MET: variants seen among roughly 807,000 people sequenced by gnomAD.
The protein encoded by MET is hepatocyte growth factor receptor.
Under a neutral mutation model 133.1 loss-of-function variants are expected in MET, and 48 were observed. That is an observed-to-expected ratio of 0.36 (90% CI 0.29 to 0.46). The LOEUF (loss-of-function observed/expected upper bound fraction) is 0.46, where lower values mean the gene tolerates loss of function less well. Among genes scored for constraint, MET ranks in the 20% least tolerant of loss-of-function variants. The pLI is 1.00. For missense variants in MET, 1,442 were observed against 1,695.9 expected (o/e 0.85, Z 2.63); for synonymous variants, 628 against 616.5 (o/e 1.02, Z -0.28).
At chr7:116,732,836 C>A (rs540090411) in intron 3 of MET, among the ~76,000 whole-genome samples, 1 of 152,038 alleles carries the variant, frequency 6.6e-6, no homozygotes, top group Non-Finnish European at 1.5e-5. Flanking sequence ...GGATATTGAT[C>A]ATTGCCATAT....
At chr7:116,763,347 G>T (rs1466851761) in intron 11 of MET, 79 bp downstream of exon 11, 2 of 1,294,894 alleles carry the variant, frequency 1.5e-6, no homozygotes, top group Non-Finnish European at 2.2e-6. Context: ...TACAATTGTT[G>T]TACTTGGCCA....
At chr7:116,716,541 A>AAAGAAGG (rs1356868153) in intron 2 of MET, among the ~76,000 whole-genome samples, 1 of 147,608 alleles carries the variant, frequency 6.8e-6, no homozygotes. Flanking sequence ...AAGAAAGAAG[A>AAAGAAGG]TATGAACAAT....
At chr7:116,676,925 C>A (rs1233902050) in intron 1 of MET, among the ~76,000 whole-genome samples, 1 of 152,006 alleles carries the variant, frequency 6.6e-6, no homozygotes, top group Non-Finnish European at 1.5e-5. Context: ...GATGAAGATA[C>A]AGGAGTGGCC....
At position 116,771,387 on chromosome 7, in the gene MET, T is replaced by C. The variant is rs77398083; in HGVS notation, c.2731-111T>C. On this transcript the variant is annotated intron_variant, in intron 12 of 20. Coordinates refer to ENST00000397752, the MANE Select transcript of MET (RefSeq NM_000245.4). ...ATTATCCTGAAGGCAGTTATGCCAT[T>C]TGTAGAATGGTAATAACCAGTTGGT... 0.012 allele frequency: 15,364 copies of C among 1,246,856 alleles called. 138 individuals carry two copies. Among genetic ancestry groups the C allele is most frequent in the Non-Finnish European group, 0.015 (12,970 of 851,338 alleles). 77.2% of individuals were successfully genotyped at this position (1,246,856 alleles called of 1,614,324 possible). A position where few individuals can be genotyped will look rare whatever the true frequency, so the allele number is the denominator to read the frequency against.
At chr7:116,702,363 A>C (rs141754088) in intron 2 of MET, among the ~76,000 whole-genome samples, 43 of 152,052 alleles carry the variant, frequency 2.8e-4, no homozygotes, top group African/African-American at 9.9e-4. Flanking sequence ...AAAGATCAAA[A>C]TTCTTCTGAG....
chr7:116,789,449 G>C lies in MET; in HGVS notation c.3798+5980G>C, dbSNP rs537743356. Among the ~76,000 whole-genome samples the C allele has an allele frequency of 1.0e-3, 159 of 152,222 alleles. 1 individual carries two copies. Among genetic ancestry groups the C allele is most frequent in the Non-Finnish European group, 4.6e-4 (31 of 68,018 alleles). On this transcript the variant is annotated intron_variant, in intron 19 of 20. Coordinates refer to ENST00000397752, the MANE Select transcript of MET (RefSeq NM_000245.4). ...CACTCCTCATTCTTTTCAGTGTTCG[G>C]TTTTTCAGGTTTTGACAAATGCATG... is the stretch of plus-strand genomic sequence containing the variant.
intron 1 of MET, among the ~76,000 whole-genome samples, chr7:116,686,067 C>T (rs1334605114): frequency 6.6e-6 from 1 of 152,112 alleles, no homozygotes; most frequent in Admixed American, 6.5e-5. Context: ...TGAACTGCCC[C>T]CCAGCCACTA....
intron 5 of MET, among the ~76,000 whole-genome samples, chr7:116,742,391 G>A (rs1793493950): frequency 1.3e-5 from 2 of 152,146 alleles, no homozygotes; most frequent in South Asian, 2.1e-4. Flanking sequence ...TTTTGGAACC[G>A]TATGCAATTT....
intron 19 of MET, among the ~76,000 whole-genome samples, chr7:116,792,675 C>T (rs1795546180): frequency 6.6e-6 from 1 of 152,104 alleles, no homozygotes; most frequent in South Asian, 2.1e-4. Context: ...GTGAGTCCTC[C>T]AGCTATTTTC....
At chr7:116,750,517 G>A (rs534639807) in intron 5 of MET, among the ~76,000 whole-genome samples, 3 of 152,212 alleles carry the variant, frequency 2.0e-5, no homozygotes, top group African/African-American at 4.8e-5. Flanking sequence ...CAGGACATAT[G>A]CATGGGCAAA....
chr7:116,769,816 G>A (rs1190312920), intron 12 of MET, 25 bp downstream of exon 12: 1 of 1,613,288 alleles, frequency 6.2e-7, no homozygotes, highest in African/African-American at 1.3e-5. Flanking sequence ...TTCCTCTCAT[G>A]ATGTAAATAA....
intron 1 of MET, among the ~76,000 whole-genome samples, chr7:116,676,430 C>T (rs576339696): frequency 7.8e-4 from 119 of 152,280 alleles, no homozygotes; most frequent in African/African-American, 2.8e-3. Context: ...TGACAACCTA[C>T]GAGGCATAGT....
intron 5 of MET, among the ~76,000 whole-genome samples, chr7:116,744,511 A>T (rs2116857588): frequency 6.6e-6 from 1 of 152,322 alleles, no homozygotes; most frequent in East Asian, 1.9e-4. Flanking sequence ...AAAGGAATGA[A>T]CAAAACCTCC....
Position 116,763,046 on chromosome 7 carries a change from C to G in MET, c.2365-4C>G, listed in dbSNP as rs1060504943. On this transcript the variant is annotated splice_region_variant and splice_polypyrimidine_tract_variant and intron_variant, in intron 10 of 20. Transcript: ENST00000397752. ...TTACAGTGGATAATTGTGTCTTTCTCTAGGCATGTCAACATCGCTCTAATT... is the reference window on the plus strand; with the variant it reads ...TTACAGTGGATAATTGTGTCTTTCTGTAGGCATGTCAACATCGCTCTAATT... 3 of 1,612,668 alleles carry G rather than the reference C, an allele frequency of 1.9e-6. No individual in the cohort carries two copies. The Admixed American group carries it at 5.0e-5, about 27-fold the overall frequency.
chr7:116,704,410 T>A (rs896330128), intron 2 of MET, among the ~76,000 whole-genome samples: 2 of 152,096 alleles, frequency 1.3e-5, no homozygotes, highest in Non-Finnish European at 2.9e-5. Context: ...TGGACAAGTA[T>A]ATTAATAACA....
intron 11 of MET, among the ~76,000 whole-genome samples, chr7:116,764,731 G>C (rs765413500): frequency 6.6e-6 from 1 of 152,066 alleles, no homozygotes; most frequent in East Asian, 1.9e-4. Context: ...CCAACATGGC[G>C]AAAGGGTCTT....
intron 2 of MET, among the ~76,000 whole-genome samples, chr7:116,726,402 T>A (rs2116745905): frequency 6.6e-6 from 1 of 151,780 alleles, no homozygotes; most frequent in African/African-American, 2.4e-5. Flanking sequence ...GTTTCCTTCT[T>A]GACTCAGAGA....
At chr7:116,675,953 A>G (rs1364186082) in intron 1 of MET, among the ~76,000 whole-genome samples, 1 of 152,160 alleles carries the variant, frequency 6.6e-6, no homozygotes, top group African/African-American at 2.4e-5. Context: ...AGGTTAGTAT[A>G]TTCCGCTTGG....
chr7:116,749,425 CT>C (rs963985352), intron 5 of MET, among the ~76,000 whole-genome samples: 12 of 152,168 alleles, frequency 7.9e-5, no homozygotes, highest in Non-Finnish European at 7.3e-5. Flanking sequence ...GTGCTAAAAA[CT>C]CTCAACAAAC....
Sources: gnomAD v4.1 joint callset for allele counts (sites outside exome capture counted in the v4.1 genomes callset) on GRCh38, gnomAD v4.1.1 for gene constraint, MANE v1.5 for transcripts, NCBI Gene and HGNC (gene_info 2026-07-23, HGNC 2026-07-21) for gene names.